Variants in LRRFIP1 observed in about 807,000 individuals in gnomAD.
LRRFIP1 encodes leucine-rich repeat flightless-interacting protein 1.
Under a neutral mutation model 104.4 loss-of-function variants are expected in LRRFIP1, and 62 were observed. The observed-to-expected ratio is 0.59, with a 90% confidence interval of 0.48 to 0.73. The LOEUF (loss-of-function observed/expected upper bound fraction) is 0.73, where lower values mean the gene tolerates loss of function less well. Among genes scored for constraint, LRRFIP1 ranks in the 30% least tolerant of loss-of-function variants. LRRFIP1 has a pLI of 0.00. For synonymous variants in LRRFIP1, 300 were observed against 299.0 expected (o/e 1.00, Z -0.03); for missense variants, 796 against 824.5 (o/e 0.97, Z 0.42).
In LRRFIP1 at chr2:237,756,067, G is replaced by GCTTTAGTGCTGTTTTTCTC. The variant is rs1190797471; in HGVS notation, c.1039-22_1039-4dup. 7 of 1,526,274 alleles carry GCTTTAGTGCTGTTTTTCTC rather than the reference G, an allele frequency of 4.6e-6. No homozygotes were observed. In the African/African-American group the frequency reaches 8.2e-5, roughly 18 times the overall value. 94.5% of individuals were successfully genotyped at this position (1,526,274 alleles called of 1,614,324 possible). A position where few individuals can be genotyped will look rare whatever the true frequency, so the allele number is the denominator to read the frequency against. Reference sequence around the variant, plus strand: ...CATGCCAGAAACATGGGATTCCACTGCTTTAGTGCTGTTTTTCTCCTTTAC... The same window carrying GCTTTAGTGCTGTTTTTCTC: ...CATGCCAGAAACATGGGATTCCACTGCTTTAGTGCTGTTTTTCTCCTTTAGTGCTGTTTTTCTCCTTTAC... On this transcript the variant is annotated intron_variant, in intron 15 of 23. Transcript: ENST00000308482.
chr2:237,729,709 G>A (rs2094918223), intron 8 of LRRFIP1: 1 of 726,298 alleles, frequency 1.4e-6, no homozygotes. Flanking sequence ...CCTTTTGAAT[G>A]GGATGGGGGT....
At chr2:237,639,280 G>A (rs1339167650) in intron 1 of LRRFIP1, among the ~76,000 whole-genome samples, 1 of 152,184 alleles carries the variant, frequency 6.6e-6, no homozygotes, top group African/African-American at 2.4e-5. Context: ...GGACACAGAC[G>A]GCCCTTGGGA....
chr2:237,747,352 G>A (rs1423824118), intron 11 of LRRFIP1, among the ~76,000 whole-genome samples: 1 of 152,202 alleles, frequency 6.6e-6, no homozygotes, highest in Non-Finnish European at 1.5e-5. Context: ...CCTTCCTGGT[G>A]GGACCGGATG....
chr2:237,627,802 A>G (rs2081774599), intron 1 of LRRFIP1, 62 bp downstream of exon 1: 6 of 1,032,728 alleles, frequency 5.8e-6, no homozygotes, highest in African/African-American at 1.7e-5. Flanking sequence ...GACGGCTGTC[A>G]GGGTCTCTCC....
intron 1 of LRRFIP1, among the ~76,000 whole-genome samples, chr2:237,704,425 A>G (rs1341124358): frequency 6.6e-6 from 1 of 152,110 alleles, no homozygotes; most frequent in Admixed American, 6.6e-5. Context: ...AAGTGCTGGG[A>G]TTACAGGTGT....
chr2:237,772,253 T>C, intron 21 of LRRFIP1, 55 bp downstream of exon 21: 1 of 1,365,020 alleles, frequency 7.3e-7, no homozygotes, highest in Non-Finnish European at 1.0e-6. Context: ...TGTTTTAGTA[T>C]ACTTGTGCTG....
intron 10 of LRRFIP1, among the ~76,000 whole-genome samples, chr2:237,737,871 A>G (rs1043472194): frequency 6.6e-6 from 1 of 152,226 alleles, no homozygotes; most frequent in Non-Finnish European, 1.5e-5. Flanking sequence ...GTGTAAGTGT[A>G]TAGTAAACAT....
At chr2:237,653,333 AC>A (rs1242821613) in intron 1 of LRRFIP1, among the ~76,000 whole-genome samples, 2 of 152,338 alleles carry the variant, frequency 1.3e-5, no homozygotes, top group Admixed American at 1.3e-4. Flanking sequence ...ATTAAGAACT[AC>A]AAAACATGAT....
chr2:237,737,963 G>A (rs2095303428), intron 10 of LRRFIP1, among the ~76,000 whole-genome samples: 1 of 152,168 alleles, frequency 6.6e-6, no homozygotes, highest in South Asian at 2.1e-4. Flanking sequence ...GCTTTCAATT[G>A]ACATTTGATG....
At chr2:237,731,749 A>G (rs2095022431) in intron 8 of LRRFIP1, among the ~76,000 whole-genome samples, 1 of 152,248 alleles carries the variant, frequency 6.6e-6, no homozygotes, top group South Asian at 2.1e-4. Flanking sequence ...TTCAGCCTGC[A>G]TCTGACTCAC....
intron 1 of LRRFIP1, among the ~76,000 whole-genome samples, chr2:237,668,328 C>G (rs139065189): frequency 1.8e-3 from 273 of 152,272 alleles, no homozygotes; most frequent in African/African-American, 6.2e-3. Context: ...CAGCCTCTCT[C>G]CCCAGGACAA....
At chr2:237,692,770 A>G (rs549745203) in intron 1 of LRRFIP1, among the ~76,000 whole-genome samples, 3 of 152,348 alleles carry the variant, frequency 2.0e-5, no homozygotes, top group Non-Finnish European at 4.4e-5. Context: ...GAAAAGGCAC[A>G]TGGTCTCTCC....
chr2:237,705,173 C>T (rs1264580490), intron 1 of LRRFIP1, among the ~76,000 whole-genome samples: 1 of 152,196 alleles, frequency 6.6e-6, no homozygotes, highest in East Asian at 1.9e-4. Context: ...GGGTACTGAG[C>T]AGGCAGGCGG....
intron 1 of LRRFIP1, among the ~76,000 whole-genome samples, chr2:237,673,425 C>T (rs1379985317): frequency 4.6e-5 from 7 of 152,228 alleles, no homozygotes; most frequent in Non-Finnish European, 1.0e-4. Context: ...GCTGAGGGGT[C>T]AGATTCACCT....
At position 237,757,440 on chromosome 2, in the gene LRRFIP1, C is replaced by T; in HGVS notation, c.1132-16C>T. On this transcript the variant is annotated splice_polypyrimidine_tract_variant and intron_variant, in intron 16 of 23. Transcript: ENST00000308482. ...CTTTAACCCTTTATCTGCTTTCTGT[C>T]TGTTCCTTTCCTCAGGAAATCCGAC... The T allele has an allele frequency of 6.5e-7, 1 of 1,544,398 alleles. No homozygotes were observed.
rs1293105357 is a variant in LRRFIP1 at position 237,749,249 on chromosome 2, T to G, written c.720T>G (p.Gly240=). The G allele has an allele frequency of 1.2e-6, 2 of 1,613,916 alleles. No individual in the cohort carries two copies. The highest frequency in any genetic ancestry group is 4.5e-5 in the East Asian group (2 of 44,880). Residue 240 remains glycine, a synonymous_variant, in exon 13 of 24, where the codon GGT becomes GGG. Transcript: ENST00000308482. The stretch of plus-strand genomic sequence containing the variant: ...CTGCAGCCACGCTGGCCTCTCTGGG[T>G]GGGACTTCCTCTCGGAGAGGCAGCG... The part of the protein sequence containing the change: ...GLSAATLASL[G]GTSSRRGSGD...
chr2:237,741,284 G>T lies in LRRFIP1; in HGVS notation c.633+1975G>T, dbSNP rs183937448. ...AACCTGACAAGTTGGTCTTGATGCT[G>T]TTATTCAAATAACTGAAAGTAAATG... On this transcript the variant is annotated intron_variant, in intron 11 of 23. Coordinates refer to ENST00000308482, the MANE Select transcript of LRRFIP1 (RefSeq NM_001137550.2). 7.3e-4 allele frequency among the ~76,000 whole-genome samples: 111 copies of T among 152,334 alleles called. 1 individual carries two copies. Among genetic ancestry groups the T allele is most frequent in the African/African-American group, 2.5e-3 (104 of 41,562 alleles).
intron 8 of LRRFIP1, chr2:237,729,731 C>T (rs981088743): frequency 5.4e-6 from 5 of 923,910 alleles, no homozygotes; most frequent in Non-Finnish European, 6.5e-6. Context: ...CTTTTGGAGT[C>T]GTAAGGAAGT....
chr2:237,770,477 A>G (rs1213051019), intron 20 of LRRFIP1: 2 of 163,334 alleles, frequency 1.2e-5, no homozygotes, highest in Admixed American at 1.2e-4. Flanking sequence ...AACCATGTTT[A>G]TCTTCATTGC....
Sources: allele counts gnomAD v4.1 joint callset (sites outside exome capture counted in the v4.1 genomes callset), GRCh38; gene constraint gnomAD v4.1.1; transcripts MANE v1.5; gene names NCBI Gene and HGNC (gene_info 2026-07-23, HGNC 2026-07-21).